Variants in PAK1 observed in about 807,000 individuals in gnomAD.
PAK1 encodes the protein p21 (RAC1) activated kinase 1, also known as serine/threonine-protein kinase PAK 1.
PAK1 carries 29 observed loss-of-function variants against 67.4 expected under a neutral mutation model. That is an observed-to-expected ratio of 0.43 (90% confidence interval 0.32 to 0.59). The LOEUF (loss-of-function observed/expected upper bound fraction) is 0.59. PAK1 is among the 20% of genes least tolerant of loss of function. PAK1 has a pLI of 0.07. For synonymous variants in PAK1, 223 were observed against 237.4 expected (o/e 0.94, Z 0.56); for missense variants, 337 against 670.7 (o/e 0.50, Z 5.50).
intron 13 of PAK1, among the ~76,000 whole-genome samples, chr11:77,333,623 T>C (rs1397589451): frequency 6.6e-6 from 1 of 152,152 alleles, no homozygotes; most frequent in Non-Finnish European, 1.5e-5. Context: ...CAAGAACTGA[T>C]CTCTTCTAGC....
intron 1 of PAK1, among the ~76,000 whole-genome samples, chr11:77,471,582 C>T (rs950615955): frequency 6.6e-6 from 1 of 152,114 alleles, no homozygotes; most frequent in African/African-American, 2.4e-5. Flanking sequence ...AGGAAGAAAA[C>T]AGAACATGCA....
At chr11:77,394,605 G>A (rs1013453507) in intron 1 of PAK1, among the ~76,000 whole-genome samples, 2 of 152,082 alleles carry the variant, frequency 1.3e-5, no homozygotes, top group Non-Finnish European at 2.9e-5. Flanking sequence ...CCAGCACTTT[G>A]GGAGACCAAG....
intron 8 of PAK1, 56 bp from the exon 9 acceptor site, chr11:77,349,343 A>G (rs1158707627): frequency 8.8e-6 from 12 of 1,371,058 alleles, no homozygotes; most frequent in Admixed American, 7.6e-5. Context: ...CAATAAAGTG[A>G]TATTTGTCAA....
chr11:77,478,555 C>T (rs1444923179), upstream of PAK1, among the ~76,000 whole-genome samples: 2 of 151,562 alleles, frequency 1.3e-5, no homozygotes, highest in Non-Finnish European at 2.9e-5. Context: ...GGTGGATTGC[C>T]TGAGCTCAGG....
At chr11:77,376,629 T>G (rs1449328606) in intron 4 of PAK1, among the ~76,000 whole-genome samples, 2 of 149,520 alleles carry the variant, frequency 1.3e-5, no homozygotes, top group African/African-American at 4.9e-5. Context: ...CCCAGCTACC[T>G]GGGAGGCTGA....
chr11:77,327,886 A>C (rs1940433139), intron 14 of PAK1, among the ~76,000 whole-genome samples: 1 of 152,178 alleles, frequency 6.6e-6, no homozygotes, highest in African/African-American at 2.4e-5. Context: ...TATTCAGGAA[A>C]CCCATCTCAC....
chr11:77,408,532 T>TACACACACACACACAC (rs377689850), intron 1 of PAK1, among the ~76,000 whole-genome samples: 1 of 137,846 alleles, frequency 7.3e-6, no homozygotes, highest in East Asian at 2.2e-4. Flanking sequence ...TATGGAGAAA[T>TACACACACACACACAC]ACACACACAC....
At chr11:77,389,059 C>T (rs1645611287) in intron 2 of PAK1, among the ~76,000 whole-genome samples, 1 of 152,206 alleles carries the variant, frequency 6.6e-6, no homozygotes, top group South Asian at 2.1e-4. Context: ...AACCCCACCC[C>T]TCTTAGTAAT....
At chr11:77,415,027 G>GT (rs1439693252) in intron 1 of PAK1, among the ~76,000 whole-genome samples, 2 of 151,894 alleles carry the variant, frequency 1.3e-5, no homozygotes, top group African/African-American at 4.8e-5. Context: ...TTAAAACTCA[G>GT]TAAGAAGTGA....
In PAK1 at chr11:77,398,127, TA is replaced by T. The variant is rs568981747; in HGVS notation, c.-21-5587del. Among the ~76,000 whole-genome samples the T allele has an allele frequency of 5.9e-5, 9 of 152,318 alleles. No individual in the cohort carries two copies. In the South Asian group the frequency reaches 1.9e-3, roughly 32 times the overall value. ...CTTTGTGTTACAAACAATCCAATTA[TA>T]GTCTTTTAGTTATTTTTAAATATGC... On this transcript the variant is annotated intron_variant, in intron 1 of 14. Transcript: ENST00000356341.
At chr11:77,516,750 C>T in the PAK1 span, among the ~76,000 whole-genome samples, 2 of 151,004 alleles carry the variant, frequency 1.3e-5, no homozygotes, top group Non-Finnish European at 2.9e-5. Context: ...ATGCCTGTAA[C>T]CTTAGCCCTT....
intron 1 of PAK1, among the ~76,000 whole-genome samples, chr11:77,403,920 T>C (rs1044639275): frequency 9.9e-5 from 15 of 152,192 alleles, no homozygotes; most frequent in East Asian, 1.9e-4. Flanking sequence ...AATGGATTAA[T>C]GTCATTATCA....
chr11:77,456,270 A>G (rs1328783310), intron 1 of PAK1, among the ~76,000 whole-genome samples: 1 of 152,200 alleles, frequency 6.6e-6, no homozygotes, highest in Non-Finnish European at 1.5e-5. Context: ...GTAGAAGGAA[A>G]CAAGGATACC....
At chr11:77,343,139 C>T (rs574679362) in intron 10 of PAK1, among the ~76,000 whole-genome samples, 2 of 151,834 alleles carry the variant, frequency 1.3e-5, no homozygotes, top group East Asian at 3.9e-4. Context: ...ATATTATATA[C>T]AACCACTATT....
the PAK1 span, among the ~76,000 whole-genome samples, chr11:77,482,502 T>C: frequency 2.6e-5 from 4 of 152,196 alleles, no homozygotes; most frequent in African/African-American, 9.6e-5. Context: ...ACCTTCAATA[T>C]ACTTTAACAC....
At chr11:77,509,807 T>C in the PAK1 span, among the ~76,000 whole-genome samples, 1 of 152,170 alleles carries the variant, frequency 6.6e-6, no homozygotes, top group Non-Finnish European at 1.5e-5. Flanking sequence ...CCTTACACCA[T>C]GAGTAAAAGC....
At chr11:77,431,471 C>G (rs1251314579) in intron 1 of PAK1, among the ~76,000 whole-genome samples, 2 of 152,154 alleles carry the variant, frequency 1.3e-5, no homozygotes, top group African/African-American at 4.8e-5. Flanking sequence ...TCCTAATACC[C>G]TCTTCAGTGG....
At chr11:77,442,863 AAAC>A (rs1053113922) in intron 1 of PAK1, among the ~76,000 whole-genome samples, 11 of 152,250 alleles carry the variant, frequency 7.2e-5, no homozygotes, top group Middle Eastern at 3.4e-3. Context: ...GCTTCTCCTT[AAAC>A]AACAACAGTC....
At chr11:77,471,590 G>A (rs1046887197) in intron 1 of PAK1, among the ~76,000 whole-genome samples, 2 of 152,188 alleles carry the variant, frequency 1.3e-5, no homozygotes, top group Admixed American at 6.5e-5. Flanking sequence ...AACAGAACAT[G>A]CAAGAGTGAA....
Sources: gnomAD v4.1 joint callset for allele counts (sites outside exome capture counted in the v4.1 genomes callset) on GRCh38, gnomAD v4.1.1 for gene constraint, MANE v1.5 for transcripts, NCBI Gene and HGNC (gene_info 2026-07-23, HGNC 2026-07-21) for gene names.